PHLDB2: variants seen among roughly 807,000 people sequenced by gnomAD.
PHLDB2 encodes pleckstrin homology-like domain family B member 2.
In PHLDB2, 71 loss-of-function variants were observed where a neutral mutation model predicts 123.6. That is an observed-to-expected ratio of 0.57 (90% CI 0.47 to 0.70). The LOEUF (loss-of-function observed/expected upper bound fraction) is 0.70, where lower values mean the gene tolerates loss of function less well. Ranked by LOEUF, PHLDB2 falls within the 30% of genes least tolerant of loss-of-function variation. The pLI is 0.00. For missense variants in PHLDB2, 1,446 were observed against 1,519.5 expected, an observed-to-expected ratio of 0.95 and a Z score of 0.80; for synonymous variants, 547 against 541.6, an observed-to-expected ratio of 1.01 and a Z score of -0.14.
At chr3:111,848,327 T>G (rs558888232) in intron 2 of PHLDB2, among the ~76,000 whole-genome samples, 1 of 152,200 alleles carries the variant, frequency 6.6e-6, no homozygotes, top group Non-Finnish European at 1.5e-5. Flanking sequence ...CCACTAGGGA[T>G]CCTTCAAAAC....
Position 111,973,824 on chromosome 3 carries a change from A to G in PHLDB2, c.3621+7A>G. ...CCTCAAGAATGCTAATAAGGTAAAC[A>G]TCAGTTTTCTAAATTCCTACAATTT... On this transcript the variant is annotated splice_region_variant and intron_variant, in intron 17 of 17. Coordinates refer to ENST00000431670, the MANE Select transcript of PHLDB2 (RefSeq NM_001134438.2). The G allele has an allele frequency of 1.0e-5, 16 of 1,523,894 alleles. No homozygotes were observed. Among genetic ancestry groups the G allele is most frequent in the Non-Finnish European group, 1.3e-5 (15 of 1,111,706 alleles). The allele number at this position is 1,523,894 out of a possible 1,614,324, so 94.4% of individuals were successfully genotyped here.
At chr3:111,926,861 A>T (rs2068839920) in intron 5 of PHLDB2, among the ~76,000 whole-genome samples, 2 of 152,362 alleles carry the variant, frequency 1.3e-5, no homozygotes, top group Admixed American at 1.3e-4. Context: ...GTTTGATTAG[A>T]GGGTACTGCT....
At chr3:111,916,495 T>C (rs2068185025) in intron 3 of PHLDB2, 1 of 152,216 alleles carries the variant, frequency 6.6e-6, no homozygotes, top group Non-Finnish European at 1.5e-5. Context: ...TAATAATCGA[T>C]TTAGGGATAA....
chr3:111,873,784 G>T (rs1450610845), intron 1 of PHLDB2, among the ~76,000 whole-genome samples: 1 of 152,084 alleles, frequency 6.6e-6, no homozygotes, highest in Non-Finnish European at 1.5e-5. Context: ...TAACATCTCA[G>T]ATTTTTTTTG....
chr3:111,958,073 C>A (rs949997311), intron 12 of PHLDB2: 6 of 165,084 alleles, frequency 3.6e-5, no homozygotes, highest in Non-Finnish European at 6.3e-5. Flanking sequence ...TGGATTTAAT[C>A]TGAAACTGTG....
chr3:111,885,063 T>C lies in PHLDB2; in HGVS notation c.986T>C (p.Leu329Pro), dbSNP rs1355243028. The C allele has an allele frequency of 6.2e-7, 1 of 1,614,082 alleles. No individual in the cohort carries two copies. Among genetic ancestry groups the C allele is most frequent in the Admixed American group, 1.7e-5 (1 of 60,002 alleles). Reference protein sequence around the residue: ...SEGNPYVSSTLSVPASPRVAR... With the variant: ...SEGNPYVSSTPSVPASPRVAR... ...GGCAATCCTTATGTAAGTTCTACCCTCAGTGTCCCTGCCAGTCCACGAGTG... is the reference window on the plus strand; with the variant it reads ...GGCAATCCTTATGTAAGTTCTACCCCCAGTGTCCCTGCCAGTCCACGAGTG... The change falls in exon 2 of 18, where the codon CTC becomes CCC. Residue 329 changes from leucine to proline, a missense_variant. Transcript: ENST00000431670.
chr3:111,915,846 T>C (rs1023840049), intron 3 of PHLDB2: 19 of 152,324 alleles, frequency 1.2e-4, no homozygotes, highest in African/African-American at 4.3e-4. Flanking sequence ...GAAACCAGGA[T>C]AGGGAAGAAA....
chr3:111,774,968 T>C (rs1469622074), intron 1 of PHLDB2, among the ~76,000 whole-genome samples: 2 of 151,964 alleles, frequency 1.3e-5, no homozygotes, highest in African/African-American at 2.4e-5. Context: ...AAGGAGTGAG[T>C]TGGAGAAACA....
intron 1 of PHLDB2, among the ~76,000 whole-genome samples, chr3:111,871,562 G>A (rs1266455361): frequency 6.6e-6 from 1 of 152,156 alleles, no homozygotes; most frequent in Non-Finnish European, 1.5e-5. Flanking sequence ...GCTGAAGTGG[G>A]AGAATGGCTT....
rs2063966573 is a variant in PHLDB2, at chr3:111,845,991, C to T, written c.67+56C>T. ...ACATATTTACAAGTTCTTACTCCAT[C>T]ATACATATTGGGAATGAGCTGGCAT... is the stretch of plus-strand genomic sequence containing the variant. On this transcript the variant is annotated intron_variant, in intron 2 of 17. Coordinates refer to the PHLDB2 transcript ENST00000393923. The T allele has an allele frequency of 6.5e-6, 10 of 1,543,502 alleles. No individual in the cohort carries two copies. In the East Asian group the frequency reaches 1.6e-4, roughly 24 times the overall value.
chr3:111,929,164 G>C (rs1392290594), intron 5 of PHLDB2, among the ~76,000 whole-genome samples: 2 of 152,148 alleles, frequency 1.3e-5, no homozygotes, highest in Non-Finnish European at 2.9e-5. Flanking sequence ...TACTTGGGAG[G>C]CTAAGATGGG....
intron 5 of PHLDB2, among the ~76,000 whole-genome samples, chr3:111,920,990 G>T (rs112452107): frequency 7.6e-4 from 116 of 152,312 alleles, no homozygotes; most frequent in African/African-American, 2.7e-3. Context: ...CTCACACACT[G>T]CCAAGAGAAA....
upstream of PHLDB2, among the ~76,000 whole-genome samples, chr3:111,855,246 T>C (rs1050613286): frequency 2.6e-5 from 4 of 152,192 alleles, no homozygotes; most frequent in African/African-American, 9.7e-5. Context: ...CTACAGATCC[T>C]GGAGAGGCAA....
chr3:111,949,769 A>G (rs1431008308), intron 10 of PHLDB2: 9 of 985,594 alleles, frequency 9.1e-6, no homozygotes, highest in Non-Finnish European at 1.1e-5. Context: ...ATCACTCAAC[A>G]TACATCAGCC....
chr3:111,899,815 A>C (rs1272671663), intron 2 of PHLDB2, among the ~76,000 whole-genome samples: 1 of 152,174 alleles, frequency 6.6e-6, no homozygotes, highest in Non-Finnish European at 1.5e-5. Flanking sequence ...ATTGTGGCCC[A>C]GGCTGGTGTT....
At chr3:111,792,341 C>T (rs1330737196) in intron 1 of PHLDB2, among the ~76,000 whole-genome samples, 1 of 152,142 alleles carries the variant, frequency 6.6e-6, no homozygotes, top group Non-Finnish European at 1.5e-5. Flanking sequence ...ATATGAGATT[C>T]ACATTAGCTC....
intron 1 of PHLDB2, among the ~76,000 whole-genome samples, chr3:111,812,768 G>A (rs2061899155): frequency 6.6e-6 from 1 of 152,154 alleles, no homozygotes; most frequent in South Asian, 2.1e-4. Context: ...AATATAGCTT[G>A]GAGCCAGACA....
intron 6 of PHLDB2, among the ~76,000 whole-genome samples, chr3:111,939,252 A>G (rs370437959): frequency 8.5e-5 from 13 of 152,324 alleles, no homozygotes; most frequent in Admixed American, 3.3e-4. Flanking sequence ...TTACCTCCAC[A>G]GAGAAGTCTA....
chr3:111,934,848 G>GCCC lies in PHLDB2; in HGVS notation c.2130+2451_2130+2452insCCC, dbSNP rs531159869. The stretch of plus-strand genomic sequence containing the variant: ...CCTACCTTCTCATTTCATATATGAG[G>GCCC]ATATTTAGGCCCATAGAGTTGGAAT... On this transcript the variant is annotated intron_variant, in intron 6 of 17. Transcript: ENST00000431670. 1.6e-3 allele frequency among the ~76,000 whole-genome samples: 248 copies of GCCC among 152,206 alleles called. 1 individual carries two copies. Among genetic ancestry groups the GCCC allele is most frequent in the African/African-American group, 5.5e-3 (228 of 41,536 alleles).
Sources: allele counts gnomAD v4.1 joint callset (sites outside exome capture counted in the v4.1 genomes callset), GRCh38; gene constraint gnomAD v4.1.1; transcripts MANE v1.5; gene names NCBI Gene and HGNC (gene_info 2026-07-23, HGNC 2026-07-21).